Variants in MALRD1 observed in about 807,000 individuals in gnomAD.
MALRD1 encodes MAM and LDL-receptor class A domain-containing protein 1.
In MALRD1, 247 loss-of-function variants were observed where a neutral mutation model predicts 242.1. That is an observed-to-expected ratio of 1.02 (90% CI 0.92 to 1.13). The LOEUF is 1.13. Ranked by LOEUF, MALRD1 falls within the 50% of genes most tolerant of loss-of-function variation. The pLI is 0.00. For missense variants in MALRD1, 2,989 were observed against 2,533.1 expected (o/e 1.18, Z -3.86); for synonymous variants, 995 against 866.6 (o/e 1.15, Z -2.60).
intron 32 of MALRD1, among the ~76,000 whole-genome samples, chr10:19,552,155 C>T (rs1463224966): frequency 6.6e-6 from 1 of 152,026 alleles, no homozygotes; most frequent in African/African-American, 2.4e-5. Context: ...TGTATAGTTT[C>T]TCTAGGAATG....
intron 30 of MALRD1, chr10:19,493,185 A>G (rs1436068356): frequency 6.6e-6 from 1 of 152,102 alleles, no homozygotes; most frequent in Non-Finnish European, 1.5e-5. Flanking sequence ...AGACCATGGT[A>G]ACCACCCTTC....
intron 1 of MALRD1, among the ~76,000 whole-genome samples, chr10:19,054,662 C>G (rs111688735): frequency 6.6e-6 from 1 of 152,130 alleles, no homozygotes; most frequent in Non-Finnish European, 1.5e-5. Flanking sequence ...TGGTATTTGT[C>G]TTTTGGTGCC....
intron 2 of MALRD1, among the ~76,000 whole-genome samples, chr10:19,080,299 C>T (rs575956190): frequency 6.6e-6 from 1 of 151,980 alleles, no homozygotes; most frequent in African/African-American, 2.4e-5. Flanking sequence ...CAAAAGAGGT[C>T]TCATAGCCAA....
At chr10:19,576,787 G>A (rs553318861) in intron 33 of MALRD1, among the ~76,000 whole-genome samples, 51 of 152,122 alleles carry the variant, frequency 3.4e-4, no homozygotes, top group Non-Finnish European at 6.3e-4. Flanking sequence ...GGGGCAGAGC[G>A]AAAGCTGCTT....
chr10:19,264,713 A>G (rs981880963), intron 19 of MALRD1, among the ~76,000 whole-genome samples: 4 of 152,124 alleles, frequency 2.6e-5, no homozygotes, highest in Non-Finnish European at 5.9e-5. Context: ...TCGGCCTCTC[A>G]AAGTGCTGGG....
chr10:19,153,579 A>G (rs1428257555), intron 11 of MALRD1, among the ~76,000 whole-genome samples: 1 of 151,960 alleles, frequency 6.6e-6, no homozygotes, highest in Non-Finnish European at 1.5e-5. Flanking sequence ...CTGTACTCCC[A>G]GTGGGAGGCT....
At chr10:19,723,451 A>T (rs972794012) in intron 38 of MALRD1, among the ~76,000 whole-genome samples, 6 of 152,170 alleles carry the variant, frequency 3.9e-5, no homozygotes, top group African/African-American at 1.4e-4. Flanking sequence ...TTTTGAGCTC[A>T]GGTCAGGCAA....
chr10:19,690,436 C>T (rs1213834724), intron 36 of MALRD1, among the ~76,000 whole-genome samples: 1 of 151,966 alleles, frequency 6.6e-6, no homozygotes, highest in Non-Finnish European at 1.5e-5. Flanking sequence ...CATAATAAAA[C>T]TTCTAACACT....
intron 31 of MALRD1, among the ~76,000 whole-genome samples, chr10:19,522,750 A>G (rs967495364): frequency 6.6e-6 from 1 of 152,194 alleles, no homozygotes; most frequent in African/African-American, 2.4e-5. Context: ...GTAGGGATTA[A>G]GAAATTTTCC....
At chr10:19,128,558 C>G (rs1049261348) in intron 8 of MALRD1, among the ~76,000 whole-genome samples, 171 bp downstream of exon 8, 12 of 152,106 alleles carry the variant, frequency 7.9e-5, no homozygotes, top group African/African-American at 2.9e-4. Flanking sequence ...GGGACACTCT[C>G]ATGTACAAAA....
At chr10:19,634,088 A>C (rs1840025978) in intron 36 of MALRD1, among the ~76,000 whole-genome samples, 3 of 151,634 alleles carry the variant, frequency 2.0e-5, no homozygotes, top group African/African-American at 7.3e-5. Flanking sequence ...TGATCCTCCC[A>C]CTTCGGCCTT....
intron 23 of MALRD1, among the ~76,000 whole-genome samples, chr10:19,330,537 A>G (rs1050405332): frequency 1.8e-4 from 28 of 152,272 alleles, no homozygotes; most frequent in African/African-American, 6.3e-4. Context: ...TAACATATAC[A>G]TACTTAGCTT....
In MALRD1 at chr10:19,501,172, A is replaced by G. The variant is rs560629550; in HGVS notation, c.5320+2526A>G. 3.7e-4 allele frequency among the ~76,000 whole-genome samples: 56 copies of G among 152,252 alleles called. 1 individual carries two copies. The highest frequency in any genetic ancestry group is 1.5e-5 in the Non-Finnish European group (1 of 68,012). The stretch of plus-strand genomic sequence containing the variant: ...GAAGTGACCTGTGGTTACCTAAGGA[A>G]AGAATGTTCCAGAGCTAGATCAGCC... On this transcript the variant is annotated intron_variant, in intron 31 of 39. Coordinates refer to ENST00000454679, the MANE Select transcript of MALRD1 (RefSeq NM_001142308.3).
chr10:19,190,164 T>C (rs1835909338), intron 14 of MALRD1, among the ~76,000 whole-genome samples: 2 of 151,762 alleles, frequency 1.3e-5, no homozygotes, highest in Non-Finnish European at 2.9e-5. Flanking sequence ...ACATTAGCAA[T>C]GAACCATCCA....
At chr10:19,171,686 A>G (rs1343588552) in intron 13 of MALRD1, among the ~76,000 whole-genome samples, 1 of 143,894 alleles carries the variant, frequency 6.9e-6, no homozygotes, top group Non-Finnish European at 1.5e-5. Flanking sequence ...ACACACATAT[A>G]TGTGTGTATG....
At chr10:19,576,140 A>C (rs1201125049) in intron 33 of MALRD1, among the ~76,000 whole-genome samples, 1 of 152,238 alleles carries the variant, frequency 6.6e-6, no homozygotes, top group Admixed American at 6.5e-5. Context: ...ACAACATTCA[A>C]GGGTAAGACT....
chr10:19,085,818 A>G (rs1426435449), intron 2 of MALRD1, among the ~76,000 whole-genome samples: 1 of 152,012 alleles, frequency 6.6e-6, no homozygotes, highest in Non-Finnish European at 1.5e-5. Flanking sequence ...AATATCGTTG[A>G]CAAATAAAAA....
At chr10:19,636,898 C>CAAAA (rs5783689) in intron 36 of MALRD1, among the ~76,000 whole-genome samples, 54 of 95,294 alleles carry the variant, frequency 5.7e-4, no homozygotes, top group African/African-American at 8.2e-4. Flanking sequence ...GACTCTGTCT[C>CAAAA]AAAAAAAAAA....
At chr10:19,376,715 C>T (rs976779133) in intron 26 of MALRD1, among the ~76,000 whole-genome samples, 1 of 151,844 alleles carries the variant, frequency 6.6e-6, no homozygotes, top group Non-Finnish European at 1.5e-5. Flanking sequence ...AACACCACAC[C>T]TGCTAATTTT....
Sources: gnomAD v4.1 joint callset for allele counts (sites outside exome capture counted in the v4.1 genomes callset) on GRCh38, gnomAD v4.1.1 for gene constraint, MANE v1.5 for transcripts, NCBI Gene and HGNC (gene_info 2026-07-23, HGNC 2026-07-21) for gene names.